The following CSMD1 variants were observed in gnomAD, a reference collection of about 807,000 sequenced individuals.
The protein encoded by CSMD1 is CUB and Sushi multiple domains 1.
CSMD1 carries 213 observed loss-of-function variants against 417.5 expected under a neutral mutation model. The observed-to-expected ratio is 0.51, with a 90% CI of 0.46 to 0.57. The LOEUF (loss-of-function observed/expected upper bound fraction) is 0.57. Among genes scored for constraint, CSMD1 ranks in the 20% least tolerant of loss-of-function variants. The pLI, the probability that CSMD1 is intolerant of heterozygous loss-of-function variation, is 0.00. For synonymous variants in CSMD1, 2,862 were observed against 1,736.8 expected (o/e 1.65, Z -16.11); for missense variants, 6,923 against 4,529.7 (o/e 1.53, Z -15.17).
At chr8:3,790,981 A>C (rs1799705856) in intron 5 of CSMD1, among the ~76,000 whole-genome samples, 1 of 152,212 alleles carries the variant, frequency 6.6e-6, no homozygotes, top group African/African-American at 2.4e-5. Flanking sequence ...AATATTCTTC[A>C]ATTATAGGCA....
At chr8:4,716,261 C>T (rs999674209) in intron 1 of CSMD1, among the ~76,000 whole-genome samples, 11 of 152,144 alleles carry the variant, frequency 7.2e-5, no homozygotes, top group African/African-American at 2.7e-4. Flanking sequence ...CAAGACAATG[C>T]CAGCTCTTCA....
chr8:3,932,922 G>C (rs1810251533), intron 5 of CSMD1, among the ~76,000 whole-genome samples: 1 of 149,358 alleles, frequency 6.7e-6, no homozygotes, highest in African/African-American at 2.5e-5. Context: ...ATTTAGTAAA[G>C]TAACTAAATC....
chr8:4,047,099 G>A (rs1798186858), intron 3 of CSMD1, among the ~76,000 whole-genome samples: 3 of 152,152 alleles, frequency 2.0e-5, no homozygotes, highest in Admixed American at 6.5e-5. Context: ...CTATGGCATT[G>A]AAGCTGTGGC....
intron 1 of CSMD1, among the ~76,000 whole-genome samples, chr8:4,738,686 A>G (rs73175332): frequency 0.018 from 2,780 of 152,276 alleles, 55 homozygotes; most frequent in Non-Finnish European, 0.031. Flanking sequence ...AAAAATCAGT[A>G]TATTATATAA....
In CSMD1 at chr8:4,680,417, C is replaced by G. The variant is rs903140395; in HGVS notation, c.86-42859G>C. ...CACTTTCTGGTGAATTTCCTTCACCCTTTGAAACTACATTGAGTGACGTAC... is the reference window on the plus strand; with the variant it reads ...CACTTTCTGGTGAATTTCCTTCACCGTTTGAAACTACATTGAGTGACGTAC... On this transcript the variant is annotated intron_variant, in intron 1 of 69. Coordinates refer to ENST00000635120, the MANE Select transcript of CSMD1 (RefSeq NM_033225.6). 2.0e-5 allele frequency among the ~76,000 whole-genome samples: 3 copies of G among 152,242 alleles called. No homozygotes were observed. In the South Asian group the frequency reaches 6.2e-4, roughly 32 times the overall value.
chr8:3,007,777 G>C (rs1006893825), intron 52 of CSMD1, among the ~76,000 whole-genome samples: 19 of 124,906 alleles, frequency 1.5e-4, no homozygotes, highest in Non-Finnish European at 2.3e-4. Flanking sequence ...GCTGTGGGGT[G>C]GGGGGAGGGG....
At chr8:3,575,106 G>C (rs944094197) in intron 9 of CSMD1, 40 bp from the exon 10 acceptor site, 6 of 1,598,654 alleles carry the variant, frequency 3.8e-6, no homozygotes, top group Non-Finnish European at 4.3e-6. Context: ...CTACAACATT[G>C]TGTCAGTTTG....
intron 2 of CSMD1, among the ~76,000 whole-genome samples, chr8:4,466,810 C>A (rs1800200316): frequency 6.6e-6 from 1 of 151,948 alleles, no homozygotes; most frequent in South Asian, 2.1e-4. Flanking sequence ...AAATAACAAG[C>A]CATTTAAAAT....
chr8:3,905,350 C>G (rs116835803), intron 5 of CSMD1, among the ~76,000 whole-genome samples: 1 of 152,232 alleles, frequency 6.6e-6, no homozygotes, highest in East Asian at 1.9e-4. Context: ...AAAAGTTGAT[C>G]ATCTAAAAAA....
chr8:3,991,356 C>A (rs1415274561), intron 5 of CSMD1, among the ~76,000 whole-genome samples: 1 of 152,178 alleles, frequency 6.6e-6, no homozygotes, highest in Non-Finnish European at 1.5e-5. Context: ...GTTTTCTCCA[C>A]CTACCTAAGA....
At chr8:4,489,591 C>G (rs1369004640) in intron 2 of CSMD1, among the ~76,000 whole-genome samples, 1 of 152,128 alleles carries the variant, frequency 6.6e-6, no homozygotes, top group East Asian at 1.9e-4. Context: ...CTTCTGGAGT[C>G]ATACCTTCTC....
chr8:3,344,503 C>G (rs1186412703), intron 22 of CSMD1, among the ~76,000 whole-genome samples: 1 of 152,174 alleles, frequency 6.6e-6, no homozygotes, highest in Non-Finnish European at 1.5e-5. Flanking sequence ...AGTCCTCGCT[C>G]CCAATAACAA....
intron 3 of CSMD1, among the ~76,000 whole-genome samples, chr8:4,363,765 G>T (rs1020698929): frequency 3.9e-5 from 6 of 152,120 alleles, no homozygotes; most frequent in African/African-American, 1.4e-4. Context: ...TTTCATGGCT[G>T]AATAGTACTC....
chr8:3,376,202 G>C (rs993403361), intron 18 of CSMD1, among the ~76,000 whole-genome samples: 6 of 151,684 alleles, frequency 4.0e-5, no homozygotes, highest in Non-Finnish European at 4.4e-5. Flanking sequence ...AAAATTTTTT[G>C]ACAATATAAA....
At chr8:4,376,341 C>T (rs912244940) in intron 3 of CSMD1, among the ~76,000 whole-genome samples, 1 of 152,152 alleles carries the variant, frequency 6.6e-6, no homozygotes, top group Non-Finnish European at 1.5e-5. Context: ...TAAAAGTTAC[C>T]TATAATCTCA....
intron 3 of CSMD1, among the ~76,000 whole-genome samples, chr8:4,338,934 G>A (rs1339501968): frequency 1.3e-5 from 2 of 152,082 alleles, no homozygotes; most frequent in Non-Finnish European, 2.9e-5. Context: ...TAAAGTAAGG[G>A]TAAGCGTATC....
At chr8:3,012,510 C>T (rs1808471491) in intron 52 of CSMD1, among the ~76,000 whole-genome samples, 1 of 152,070 alleles carries the variant, frequency 6.6e-6, no homozygotes, top group African/African-American at 2.4e-5. Context: ...TCTCAGGAAA[C>T]AGTATTCTTT....
chr8:3,769,570 T>A (rs1427835226), intron 5 of CSMD1, among the ~76,000 whole-genome samples: 2 of 152,080 alleles, frequency 1.3e-5, no homozygotes. Context: ...TGCTTTCCTT[T>A]ACAGATATGT....
chr8:3,636,693 C>G (rs965229313), intron 7 of CSMD1, among the ~76,000 whole-genome samples: 3 of 152,192 alleles, frequency 2.0e-5, no homozygotes, highest in Non-Finnish European at 4.4e-5. Context: ...AGAGGTGAAG[C>G]CTGGAGCCAC....
Sources: allele counts gnomAD v4.1 joint callset (sites outside exome capture counted in the v4.1 genomes callset), GRCh38; gene constraint gnomAD v4.1.1; transcripts MANE v1.5; gene names NCBI Gene and HGNC (gene_info 2026-07-23, HGNC 2026-07-21).